The following TRPM3 variants were observed in gnomAD, a reference collection of about 807,000 sequenced individuals.
The protein encoded by TRPM3 is transient receptor potential cation channel subfamily M member 3.
TRPM3 carries 77 observed loss-of-function variants against 181.2 expected under a neutral mutation model. That is an observed-to-expected ratio of 0.42 (90% CI 0.35 to 0.51). TRPM3 has a LOEUF of 0.51. Among genes scored for constraint, TRPM3 ranks in the 20% least tolerant of loss-of-function variants. TRPM3 has a pLI of 0.01. For synonymous variants in TRPM3, 745 were observed against 796.4 expected, an observed-to-expected ratio of 0.94 and a Z score of 1.09; for missense variants, 1,759 against 2,196.7, an observed-to-expected ratio of 0.80 and a Z score of 3.98.
rs570476550 is a variant in TRPM3, at chr9:71,271,040, A to G, written c.183+175613T>C. ...TAAGACCTACCCAATAGAACTATCC[A>G]AATAAGTCATTATTTCTGTCTGACA... On this transcript the variant is annotated intron_variant, in intron 1 of 24. Transcript: ENST00000357533. Among the ~76,000 whole-genome samples, 6 of 152,300 alleles carry G rather than the reference A, an allele frequency of 3.9e-5. No individual in the cohort carries two copies. In the East Asian group the frequency reaches 9.7e-4, roughly 25 times the overall value.
chr9:70,967,488 T>C (rs983494106), intron 1 of TRPM3, among the ~76,000 whole-genome samples: 8 of 152,150 alleles, frequency 5.3e-5, no homozygotes, highest in Admixed American at 4.6e-4. Context: ...AGAAATTCTG[T>C]GTTTACTTTG....
intron 1 of TRPM3, among the ~76,000 whole-genome samples, chr9:71,113,808 C>G (rs770238497): frequency 6.6e-6 from 1 of 152,116 alleles, no homozygotes; most frequent in Non-Finnish European, 1.5e-5. Flanking sequence ...CATGCCAGAG[C>G]CTAATTTTAA....
chr9:70,773,005 GA>G (rs989134911), intron 7 of TRPM3, among the ~76,000 whole-genome samples: 3 of 152,032 alleles, frequency 2.0e-5, no homozygotes, highest in Admixed American at 2.0e-4. Flanking sequence ...GAGCTGGACT[GA>G]ATTTTTGGGG....
At chr9:71,050,164 T>C (rs894988043) in intron 1 of TRPM3, among the ~76,000 whole-genome samples, 1 of 152,198 alleles carries the variant, frequency 6.6e-6, no homozygotes, top group Non-Finnish European at 1.5e-5. Flanking sequence ...CAGGAATCAA[T>C]ACATAGAGAA....
Position 70,616,358 on chromosome 9 carries a change from T to G in TRPM3, c.2359-283A>C, listed in dbSNP as rs186435672. 2.0e-3 allele frequency among the ~76,000 whole-genome samples: 303 copies of G among 152,258 alleles called. 1 individual carries two copies. The highest frequency in any genetic ancestry group is 6.8e-3 in the African/African-American group (283 of 41,536). ...GAAAAAAGCATTTTGCCCAAATTTGTCTTACCCAATTAACACCCACTTTGC... is the reference window on the plus strand; with the variant it reads ...GAAAAAAGCATTTTGCCCAAATTTGGCTTACCCAATTAACACCCACTTTGC... On this transcript the variant is annotated intron_variant, in intron 17 of 25. Transcript: ENST00000677713.
intron 1 of TRPM3, among the ~76,000 whole-genome samples, chr9:71,033,553 AAGTAAG>A (rs2057804662): frequency 7.3e-6 from 1 of 137,258 alleles, no homozygotes; most frequent in Non-Finnish European, 1.5e-5. Context: ...TAATAAAAAC[AAGTAAG>A]AGTATTATTT....
chr9:70,670,001 T>C (rs1418601114), intron 9 of TRPM3, among the ~76,000 whole-genome samples: 1 of 152,110 alleles, frequency 6.6e-6, no homozygotes, highest in Non-Finnish European at 1.5e-5. Context: ...CCTCCCAAAG[T>C]GCTAAGATTA....
chr9:71,025,804 C>T (rs2097891405), intron 1 of TRPM3, among the ~76,000 whole-genome samples: 1 of 152,160 alleles, frequency 6.6e-6, no homozygotes, highest in Non-Finnish European at 1.5e-5. Flanking sequence ...CCAGGAGGAA[C>T]ATCTCCCACT....
rs547610312 is a variant in TRPM3 at position 70,553,067 on chromosome 9, C to T, written c.3375-24G>A. 5.0e-6 allele frequency: 8 copies of T among 1,613,852 alleles called. No homozygotes were observed. In the East Asian group the frequency reaches 1.8e-4, roughly 36 times the overall value. ...TGCTAAAATAGAGACCAAAGAGAAT[C>T]AAGTGAGAAAAACCCACTGTTTTCT... is the stretch of plus-strand genomic sequence containing the variant. On this transcript the variant is annotated intron_variant, in intron 23 of 25. Transcript: ENST00000677713.
At chr9:71,396,893 G>T (rs964629369) in intron 1 of TRPM3, among the ~76,000 whole-genome samples, 2 of 151,484 alleles carry the variant, frequency 1.3e-5, no homozygotes, top group African/African-American at 4.9e-5. Flanking sequence ...TTGAACCCGG[G>T]AGGTGGAGGT....
intron 1 of TRPM3, among the ~76,000 whole-genome samples, chr9:70,968,911 A>T (rs1028895981): frequency 6.6e-6 from 1 of 152,164 alleles, no homozygotes; most frequent in African/African-American, 2.4e-5. Flanking sequence ...TAAAAATCCT[A>T]GAAGAAAATC....
intron 8 of TRPM3, among the ~76,000 whole-genome samples, chr9:70,684,114 A>G (rs769661284): frequency 3.3e-5 from 5 of 152,238 alleles, no homozygotes; most frequent in Non-Finnish European, 5.9e-5. Flanking sequence ...ATCACATTTC[A>G]GATGGAAATT....
At chr9:71,189,408 C>T (rs1443108828) in intron 1 of TRPM3, among the ~76,000 whole-genome samples, 2 of 151,878 alleles carry the variant, frequency 1.3e-5, no homozygotes, top group East Asian at 1.9e-4. Flanking sequence ...TGTTACAATA[C>T]TGGGTACTAA....
chr9:70,553,112 AC>A, intron 23 of TRPM3, 47 bp downstream of exon 23: 1 of 1,613,374 alleles, frequency 6.2e-7, no homozygotes, highest in Non-Finnish European at 8.5e-7. Context: ...ACTCCCCTTC[AC>A]CCCTGCTGTC....
chr9:70,812,485 G>A (rs1363599750), intron 6 of TRPM3, among the ~76,000 whole-genome samples: 1 of 152,152 alleles, frequency 6.6e-6, no homozygotes, highest in Non-Finnish European at 1.5e-5. Context: ...TTGTAAAATG[G>A]CCAACCAAGA....
chr9:70,695,820 C>T (rs542994341), intron 8 of TRPM3, among the ~76,000 whole-genome samples: 4 of 152,260 alleles, frequency 2.6e-5, no homozygotes, highest in Non-Finnish European at 4.4e-5. Context: ...ATGACCTTGA[C>T]GCCGGAGAGG....
intron 6 of TRPM3, among the ~76,000 whole-genome samples, chr9:70,803,451 GTTTT>G (rs36024262): frequency 8.0e-6 from 1 of 125,328 alleles, no homozygotes; most frequent in Non-Finnish European, 1.6e-5. Context: ...CGTTTTTGTT[GTTTT>G]TTTTTTTTTT....
intron 1 of TRPM3, among the ~76,000 whole-genome samples, chr9:71,216,813 G>A (rs928866956): frequency 2.0e-5 from 3 of 151,766 alleles, no homozygotes; most frequent in African/African-American, 7.3e-5. Flanking sequence ...AACCATAATA[G>A]AATCATCCCT....
chr9:71,289,696 C>T (rs1311559416), intron 1 of TRPM3, among the ~76,000 whole-genome samples: 3 of 151,500 alleles, frequency 2.0e-5, no homozygotes, highest in African/African-American at 7.3e-5. Flanking sequence ...GGTGAAATGT[C>T]GTCTCTACTA....
Sources: allele counts gnomAD v4.1 joint callset (sites outside exome capture counted in the v4.1 genomes callset), GRCh38; gene constraint gnomAD v4.1.1; transcripts MANE v1.5; gene names NCBI Gene and HGNC (gene_info 2026-07-23, HGNC 2026-07-21).